LUZP2: variants seen among roughly 807,000 people sequenced by gnomAD.
LUZP2 encodes the protein leucine zipper protein 2.
LUZP2 carries 52 observed loss-of-function variants against 51.6 expected under a neutral mutation model. That is an observed-to-expected ratio of 1.01 (90% CI 0.81 to 1.27). The LOEUF (loss-of-function observed/expected upper bound fraction) is 1.27. LUZP2 is among the 50% of genes most tolerant of loss of function. The probability of loss-of-function intolerance (pLI) is 0.00; values close to 1 mark genes in which losing one functional copy is unlikely to be tolerated. For missense variants in LUZP2, 436 were observed against 395.4 expected (o/e 1.10, Z -0.87); for synonymous variants, 154 against 137.3 (o/e 1.12, Z -0.85).
chr11:24,589,857 G>A lies in LUZP2; in HGVS notation c.62+92552G>A, dbSNP rs534055219. On this transcript the variant is annotated intron_variant, in intron 1 of 11. Transcript: ENST00000336930. ...CTTTTCAGCTCATCTGATCCCAAAC[G>A]GAACATTTTCAGTTCTAACACTGAA... 9.6e-4 allele frequency among the ~76,000 whole-genome samples: 146 copies of A among 151,992 alleles called. 2 individuals are homozygous for A. In the South Asian group the frequency reaches 0.014, roughly 14 times the overall value.
intron 1 of LUZP2, among the ~76,000 whole-genome samples, chr11:24,709,477 AAGG>A (rs1262407400): frequency 6.6e-6 from 1 of 152,140 alleles, no homozygotes; most frequent in Admixed American, 6.6e-5. Context: ...GGAAATTGTC[AAGG>A]AGAAGCTAAA....
chr11:24,618,645 AAAAG>A (rs1225344908), intron 1 of LUZP2, among the ~76,000 whole-genome samples: 1 of 152,218 alleles, frequency 6.6e-6, no homozygotes, highest in East Asian at 1.9e-4. Flanking sequence ...ACATGAGACA[AAAAG>A]AAAGCTTAAA....
chr11:24,665,640 T>C (rs182431061), intron 1 of LUZP2, among the ~76,000 whole-genome samples: 11 of 152,080 alleles, frequency 7.2e-5, no homozygotes, highest in Admixed American at 7.2e-4. Context: ...TAGTAAAAAA[T>C]TTGTCATGCG....
intron 1 of LUZP2, among the ~76,000 whole-genome samples, chr11:24,539,835 G>T (rs1036398640): frequency 1.3e-5 from 2 of 151,846 alleles, no homozygotes; most frequent in African/African-American, 4.8e-5. Context: ...CTCAATTCAG[G>T]TTCATTCATA....
At chr11:24,631,140 A>G (rs148844665) in intron 1 of LUZP2, among the ~76,000 whole-genome samples, 2,722 of 152,050 alleles carry the variant, frequency 0.018, 32 homozygotes, top group South Asian at 0.033. Context: ...TCATCAGGAA[A>G]TATTGATAAT....
At chr11:24,814,851 G>T (rs1850127191) in intron 5 of LUZP2, among the ~76,000 whole-genome samples, 2 of 152,020 alleles carry the variant, frequency 1.3e-5, no homozygotes, top group Admixed American at 1.3e-4. Context: ...AATTAGCCAG[G>T]CGTGGCGGTG....
rs185127935 is a variant in LUZP2 at position 24,679,951 on chromosome 11, T to C, written c.63-49218T>C. ...CTGCTCACTGTGCTGAGCGATGAAGTGCTATTCCTTGGATACCCTGCCTTC... is the reference window on the plus strand; with the variant it reads ...CTGCTCACTGTGCTGAGCGATGAAGCGCTATTCCTTGGATACCCTGCCTTC... On this transcript the variant is annotated intron_variant, in intron 1 of 11. Transcript: ENST00000336930. 5.7e-3 allele frequency among the ~76,000 whole-genome samples: 861 copies of C among 152,262 alleles called. 5 individuals are homozygous for C. Among genetic ancestry groups the C allele is most frequent in the Non-Finnish European group, 7.6e-3 (519 of 68,014 alleles).
chr11:25,072,246 T>A (rs77314370), intron 10 of LUZP2, among the ~76,000 whole-genome samples: 2,241 of 152,216 alleles, frequency 0.015, 32 homozygotes, highest in South Asian at 0.072. Flanking sequence ...TCTCTGATAC[T>A]CTTTTTAATA....
chr11:24,518,058 A>AT (rs953487419), intron 1 of LUZP2, among the ~76,000 whole-genome samples: 22 of 152,212 alleles, frequency 1.4e-4, no homozygotes, highest in African/African-American at 5.1e-4. Context: ...AGGAGAAATT[A>AT]TTTTTTAGAG....
rs568749157 is a variant in LUZP2, at chr11:24,998,433, G to A, written c.765+15140G>A. On this transcript the variant is annotated intron_variant, in intron 9 of 11. Coordinates refer to ENST00000336930, the MANE Select transcript of LUZP2 (RefSeq NM_001009909.4). ...TTGGCTCTCTGTTTGTCTGTTATTGGTGTATAAGAATGCTTGTGATTTTTG... is the reference window on the plus strand; with the variant it reads ...TTGGCTCTCTGTTTGTCTGTTATTGATGTATAAGAATGCTTGTGATTTTTG... Among the ~76,000 whole-genome samples, 6 of 152,228 alleles carry A rather than the reference G, an allele frequency of 3.9e-5. No individual in the cohort carries two copies. The South Asian group carries it at 8.3e-4, about 21-fold the overall frequency.
rs1383837283 is a variant in LUZP2 at position 24,926,463 on chromosome 11, ATACGTGTATATATGTG to A, written c.522+11927_522+11942del. On this transcript the variant is annotated intron_variant, in intron 7 of 11. Transcript: ENST00000336930. The stretch of plus-strand genomic sequence containing the variant: ...CGTGTATATATGTGTGTGTATATAT[ATACGTGTATATATGTG>A]TGTGTATATATATGTGTATATATGT... 4.7e-4 allele frequency among the ~76,000 whole-genome samples: 65 copies of A among 138,672 alleles called. 7 individuals carry two copies. The highest frequency in any genetic ancestry group is 1.6e-3 in the African/African-American group (60 of 37,906). The allele number at this position is 138,672 out of a possible 152,430, so 91.0% of individuals were successfully genotyped here.
At chr11:24,531,199 A>T (rs1850985020) in intron 1 of LUZP2, among the ~76,000 whole-genome samples, 1 of 150,574 alleles carries the variant, frequency 6.6e-6, no homozygotes, top group Non-Finnish European at 1.5e-5. Context: ...GAACCTGGTA[A>T]TGAAGACTAA....
chr11:24,769,786 C>CTTTTTTTTTTTTT (rs1554988302), intron 5 of LUZP2, among the ~76,000 whole-genome samples: 7 of 146,950 alleles, frequency 4.8e-5, no homozygotes, highest in African/African-American at 1.9e-4. Context: ...ACTAAATTCT[C>CTTTTTTTTTTTTT]TTTTTTGTTT....
intron 7 of LUZP2, among the ~76,000 whole-genome samples, chr11:24,939,983 G>A (rs1261538608): frequency 6.6e-6 from 1 of 151,726 alleles, no homozygotes; most frequent in Non-Finnish European, 1.5e-5. Flanking sequence ...TCATGGAGGT[G>A]CTTCTGACTG....
chr11:24,928,848 G>T (rs547144613), intron 7 of LUZP2, among the ~76,000 whole-genome samples: 1 of 151,940 alleles, frequency 6.6e-6, no homozygotes, highest in Non-Finnish European at 1.5e-5. Flanking sequence ...CTGTGAATCT[G>T]TCTGATCCTG....
At chr11:24,819,229 A>G (rs1302823263) in intron 5 of LUZP2, among the ~76,000 whole-genome samples, 1 of 152,070 alleles carries the variant, frequency 6.6e-6, no homozygotes, top group African/African-American at 2.4e-5. Flanking sequence ...AGTGAGGTAT[A>G]GCTTGCCAGG....
chr11:24,967,299 G>A (rs1022107756), intron 7 of LUZP2, among the ~76,000 whole-genome samples: 2 of 151,784 alleles, frequency 1.3e-5, no homozygotes, highest in Non-Finnish European at 3.0e-5. Context: ...GACATTATAA[G>A]AATATTAAAT....
intron 1 of LUZP2, among the ~76,000 whole-genome samples, chr11:24,622,225 C>T (rs1055441143): frequency 6.9e-6 from 1 of 144,088 alleles, no homozygotes; most frequent in East Asian, 2.1e-4. Flanking sequence ...GTGTGCTGCA[C>T]CCATTAACTC....
intron 1 of LUZP2, among the ~76,000 whole-genome samples, chr11:24,584,061 A>G (rs1852973633): frequency 6.6e-6 from 1 of 152,040 alleles, no homozygotes; most frequent in Non-Finnish European, 1.5e-5. Flanking sequence ...TCTTTCATTA[A>G]TTCAAATATA....
Sources: gnomAD v4.1 joint callset for allele counts (sites outside exome capture counted in the v4.1 genomes callset) on GRCh38, gnomAD v4.1.1 for gene constraint, MANE v1.5 for transcripts, NCBI Gene and HGNC (gene_info 2026-07-23, HGNC 2026-07-21) for gene names.